CHD5: variants seen among roughly 807,000 people sequenced by gnomAD.
CHD5 encodes the protein chromodomain helicase DNA binding protein 5, also known as ATP-dependent chromatin remodeler CHD5.
CHD5 carries 69 observed loss-of-function variants against 230.3 expected under a neutral mutation model. That is an observed-to-expected ratio of 0.30 (90% confidence interval 0.25 to 0.37). The LOEUF (loss-of-function observed/expected upper bound fraction) is 0.37. Among genes scored for constraint, CHD5 ranks in the 10% least tolerant of loss-of-function variants. The probability of loss-of-function intolerance (pLI) is 1.00; values close to 1 mark genes in which losing one functional copy is unlikely to be tolerated. For missense variants in CHD5, 1,827 were observed against 2,622.8 expected (o/e 0.70, Z 6.63); for synonymous variants, 1,064 against 1,065.9 (o/e 1.00, Z 0.03).
chr1:6,160,640 T>C (rs1032314539), intron 2 of CHD5, among the ~76,000 whole-genome samples: 2 of 152,276 alleles, frequency 1.3e-5, no homozygotes, highest in African/African-American at 4.8e-5. Context: ...CACAGTTTTC[T>C]CCATGTGCGG....
intron 31 of CHD5, among the ~76,000 whole-genome samples, chr1:6,123,306 G>C (rs1666500325): frequency 6.6e-6 from 1 of 152,152 alleles, no homozygotes. Flanking sequence ...GCCTGGGGTG[G>C]GGGGATAAGG....
At chr1:6,133,350 T>G (rs1666688175) in intron 20 of CHD5, among the ~76,000 whole-genome samples, 1 of 152,226 alleles carries the variant, frequency 6.6e-6, no homozygotes, top group Non-Finnish European at 1.5e-5. Flanking sequence ...TTGCCCTGCT[T>G]TCCAGTATTC....
chr1:6,168,112 C>T (rs1022265135), intron 2 of CHD5, 38 bp downstream of exon 2: 9 of 1,574,426 alleles, frequency 5.7e-6, no homozygotes, highest in Non-Finnish European at 6.9e-6. Flanking sequence ...CACAACCCCA[C>T]CCGCCCCAAG....
At chr1:6,143,566 G>A (rs1020321949) in intron 13 of CHD5, among the ~76,000 whole-genome samples, 3 of 152,180 alleles carry the variant, frequency 2.0e-5, no homozygotes, top group Non-Finnish European at 4.4e-5. Flanking sequence ...AGGCGCTAGT[G>A]GACACCCAGG....
At chr1:6,147,404 G>T (rs543778708) in intron 9 of CHD5, among the ~76,000 whole-genome samples, 1 of 152,178 alleles carries the variant, frequency 6.6e-6, no homozygotes, top group Non-Finnish European at 1.5e-5. Context: ...GTGCGTCTAG[G>T]CTGGGACAAT....
chr1:6,173,653 C>T (rs1021823847), intron 1 of CHD5, among the ~76,000 whole-genome samples: 4 of 152,184 alleles, frequency 2.6e-5, no homozygotes, highest in Admixed American at 6.5e-5. Flanking sequence ...AGGACCCACA[C>T]GATGCCTGCA....
intron 11 of CHD5, among the ~76,000 whole-genome samples, chr1:6,144,768 C>T (rs955140641): frequency 2.6e-5 from 4 of 152,158 alleles, no homozygotes; most frequent in African/African-American, 7.2e-5. Flanking sequence ...GCTGGAGGGC[C>T]GGGCTGGGGC....
chr1:6,108,011 G>A (rs541948957), intron 38 of CHD5, among the ~76,000 whole-genome samples: 12 of 138,508 alleles, frequency 8.7e-5, no homozygotes, highest in African/African-American at 3.3e-4. Context: ...AGGGATGAAG[G>A]GACGGTGGAG....
intron 33 of CHD5, among the ~76,000 whole-genome samples, chr1:6,119,868 T>A (rs200571358): frequency 1.5e-3 from 157 of 106,668 alleles, no homozygotes; most frequent in East Asian, 3.3e-3. Flanking sequence ...ATATATATTT[T>A]TTTTTTTTCT....
chr1:6,171,291 C>T (rs1667334605), intron 1 of CHD5, among the ~76,000 whole-genome samples: 1 of 152,226 alleles, frequency 6.6e-6, no homozygotes, highest in Non-Finnish European at 1.5e-5. Context: ...GCCCCAGACC[C>T]TCTGCCCATG....
At chr1:6,164,270 T>C (rs911661896) in intron 2 of CHD5, among the ~76,000 whole-genome samples, 1 of 152,172 alleles carries the variant, frequency 6.6e-6, no homozygotes, top group Non-Finnish European at 1.5e-5. Context: ...CATTCTCCAT[T>C]TGGGGTCCTT....
rs765439222 is a variant in CHD5 at position 6,113,016 on chromosome 1, T to A, written c.4913-18A>T. 6.4e-7 allele frequency: 1 copy of A among 1,574,554 alleles called. No individual in the cohort carries two copies. Among genetic ancestry groups the A allele is most frequent in the South Asian group, 1.1e-5 (1 of 90,302 alleles). Reference sequence around the variant, plus strand: ...CACCTCCTCTGCAAGAAAAAGAGGGTTCGCGGCATGGGGTGGGGTCCCAGA... The same window carrying A: ...CACCTCCTCTGCAAGAAAAAGAGGGATCGCGGCATGGGGTGGGGTCCCAGA... On this transcript the variant is annotated intron_variant, in intron 33 of 41. Transcript: ENST00000262450.
intron 20 of CHD5, among the ~76,000 whole-genome samples, chr1:6,133,494 G>A (rs998099143): frequency 6.6e-6 from 1 of 152,232 alleles, no homozygotes; most frequent in African/African-American, 2.4e-5. Context: ...GTGGGCCCAC[G>A]AGAGGAGCAT....
At position 6,130,021 on chromosome 1, in the gene CHD5, T is replaced by C; in HGVS notation, c.3387+183A>G. ...CTGGACAAGGACAGAGCTGGAGGGA[T>C]GGGGGCCAAGCTTCCACTCACTCCC... On this transcript the variant is annotated intron_variant, in intron 22 of 41. Transcript: ENST00000262450. The surrounding 1 kb of genome is among the most constrained non-coding windows in gnomAD (Gnocchi z 4.9). 3 of 675,606 alleles carry C rather than the reference T, an allele frequency of 4.4e-6. No homozygotes were observed. The highest frequency in any genetic ancestry group is 5.1e-6 in the Non-Finnish European group (2 of 393,380). 41.9% of individuals were successfully genotyped at this position (675,606 alleles called of 1,614,324 possible).
In CHD5 at chr1:6,154,808, G is replaced by T. The variant is rs746557410; in HGVS notation, c.597C>A (p.Asn199Lys). Residue 199 changes from asparagine (N) to lysine (K), a missense_variant, in exon 5 of 42, where the codon AAC becomes AAA. Around this residue, in one of 14 missense-constraint regions of CHD5, gnomAD observed 657 missense variants for 816.4 expected, o/e 0.80. Transcript: ENST00000262450. The surrounding 1 kb of genome is among the most constrained non-coding windows in gnomAD (Gnocchi z 7.0). ...CTGCCGCGGAGCTGCCCTTGAAGGG[G>T]TTGTTGGCGCTGAACTCCCGCCACT... Reference protein sequence around the residue: ...GAKWREFSANNPFKGSSAAAA... With the variant: ...GAKWREFSANKPFKGSSAAAA... 1 of 1,613,888 alleles carries T rather than the reference G, an allele frequency of 6.2e-7. No individual in the cohort carries two copies. The highest frequency in any genetic ancestry group is 1.1e-5 in the South Asian group (1 of 91,084).
rs780212725 is a variant in CHD5 at position 6,106,793 on chromosome 1, C to T, written c.5579-14G>A. The T allele has an allele frequency of 2.8e-5, 35 of 1,268,896 alleles. No individual in the cohort carries two copies. The highest frequency in any genetic ancestry group is 1.6e-4 in the African/African-American group (9 of 56,636). 78.6% of individuals were successfully genotyped at this position (1,268,896 alleles called of 1,614,324 possible). A position where few individuals can be genotyped will look rare whatever the true frequency, so the allele number is the denominator to read the frequency against. On this transcript the variant is annotated splice_polypyrimidine_tract_variant and intron_variant, in intron 38 of 41. Coordinates refer to ENST00000262450, the MANE Select transcript of CHD5 (RefSeq NM_015557.3). ...GCTGGTTCAGGACTGTGGTGGGAGG[C>T]GGAGGGATGGTAGGATGCAGGGATG... is the stretch of plus-strand genomic sequence containing the variant.
intron 3 of CHD5, among the ~76,000 whole-genome samples, chr1:6,158,013 T>C (rs55745942): frequency 6.6e-6 from 1 of 152,176 alleles, no homozygotes; most frequent in African/African-American, 2.4e-5. Context: ...ACTGTACTAA[T>C]ATTTACAGAG....
At chr1:6,174,989 G>A (rs1667400938) in intron 1 of CHD5, among the ~76,000 whole-genome samples, 1 of 150,244 alleles carries the variant, frequency 6.7e-6, no homozygotes, top group Admixed American at 6.6e-5. Flanking sequence ...ATGGATGGAT[G>A]GATGGATGGC....
Position 6,142,034 on chromosome 1 carries a change from G to T in CHD5, c.2436+94C>A. The T allele has an allele frequency of 8.6e-7, 1 of 1,157,394 alleles. No homozygotes were observed. The highest frequency in any genetic ancestry group is 1.3e-6 in the Non-Finnish European group (1 of 782,948). The allele number at this position is 1,157,394 out of a possible 1,614,324, so 71.7% of individuals were successfully genotyped here. ...CCTGCCGGCCTCGGTAGCCCTCCCA[G>T]GCTGAGGGACCCCAAAGGAGTGCAC... On this transcript the variant is annotated intron_variant, in intron 15 of 41. Transcript: ENST00000262450. The surrounding 1 kb of genome is among the most constrained non-coding windows in gnomAD (Gnocchi z 5.2).
Sources: gnomAD v4.1 joint callset for allele counts (sites outside exome capture counted in the v4.1 genomes callset) on GRCh38, gnomAD v4.1.1 for gene constraint, gnomAD v4.1.1 regional missense constraint, Gnocchi (gnomAD v3.1) non-coding constraint, MANE v1.5 for transcripts, NCBI Gene and HGNC (gene_info 2026-07-23, HGNC 2026-07-21) for gene names.